SOX6: variants seen among roughly 807,000 people sequenced by gnomAD.
The protein encoded by SOX6 is transcription factor SOX-6.
In SOX6, 11 loss-of-function variants were observed where a neutral mutation model predicts 97.8. The observed-to-expected ratio is 0.11, with a 90% CI of 0.07 to 0.19. The LOEUF is 0.19. SOX6 is among the 10% of genes least tolerant of loss of function. The pLI is 1.00. For synonymous variants in SOX6, 360 were observed against 371.4 expected, an observed-to-expected ratio of 0.97 and a Z score of 0.35; for missense variants, 810 against 1,039.5, an observed-to-expected ratio of 0.78 and a Z score of 3.04.
intron 4 of SOX6, among the ~76,000 whole-genome samples, chr11:16,230,467 A>G (rs1274433975): frequency 6.6e-6 from 1 of 151,758 alleles, no homozygotes; most frequent in African/African-American, 2.4e-5. Flanking sequence ...AAATATAACA[A>G]AAGGAAAATA....
chr11:16,224,785 A>G (rs1852635557), intron 4 of SOX6, among the ~76,000 whole-genome samples: 1 of 152,222 alleles, frequency 6.6e-6, no homozygotes, highest in South Asian at 2.1e-4. Flanking sequence ...CAAAACAATC[A>G]AGAGACTATG....
chr11:16,283,842 G>A (rs1056384430), intron 3 of SOX6: 8 of 365,860 alleles, frequency 2.2e-5, no homozygotes, highest in Non-Finnish European at 4.2e-5. Context: ...AAGTTCTCTA[G>A]ATTCATGTTA....
At chr11:16,726,290 T>G (rs1848306075) in intron 2 of SOX6, among the ~76,000 whole-genome samples, 1 of 152,172 alleles carries the variant, frequency 6.6e-6, no homozygotes, top group Non-Finnish European at 1.5e-5. Flanking sequence ...ACGCCTGTAA[T>G]CCCAGCTACC....
At chr11:16,374,509 C>A (rs572182778) in intron 1 of SOX6, among the ~76,000 whole-genome samples, 1 of 151,962 alleles carries the variant, frequency 6.6e-6, no homozygotes, top group South Asian at 2.1e-4. Flanking sequence ...AAATATCACA[C>A]GTGGAATACA....
chr11:16,504,304 C>A (rs114310925), intron 4 of SOX6, among the ~76,000 whole-genome samples: 308 of 152,080 alleles, frequency 2.0e-3, no homozygotes, highest in African/African-American at 7.0e-3. Context: ...GTCAAATTGT[C>A]CCTCTTTGCA....
intron 6 of SOX6, among the ~76,000 whole-genome samples, chr11:16,163,667 G>A (rs192823501): frequency 6.6e-6 from 1 of 152,280 alleles, no homozygotes; most frequent in Non-Finnish European, 1.5e-5. Flanking sequence ...AATAAATCTT[G>A]ACTAAAGTCC....
At position 16,300,274 on chromosome 11, in the gene SOX6, T is replaced by C. The variant is rs571531540; in HGVS notation, c.445+18172A>G. Among the ~76,000 whole-genome samples, 4 of 152,128 alleles carry C rather than the reference T, an allele frequency of 2.6e-5. No homozygotes were observed. Among genetic ancestry groups the C allele is most frequent in the Admixed American group, 1.3e-4 (2 of 15,274 alleles). On this transcript the variant is annotated intron_variant, in intron 3 of 15. Transcript: ENST00000683767. This position sits in a 1 kb window ranked among gnomAD's most constrained non-coding sequence, Gnocchi z 4.1. ...AGCAGGGATTAAAAAAAAGGACTTA[T>C]ACAAATGGAGAAAGTCCACAATATT...
intron 3 of SOX6, among the ~76,000 whole-genome samples, chr11:16,712,103 ACACAC>A: frequency 6.6e-6 from 1 of 151,804 alleles, no homozygotes; most frequent in African/African-American, 2.4e-5. Flanking sequence ...ACACACACAC[ACACAC>A]ACACACACAC....
intron 3 of SOX6, among the ~76,000 whole-genome samples, chr11:16,706,792 G>C (rs929571549): frequency 6.6e-6 from 1 of 151,546 alleles, no homozygotes; most frequent in African/African-American, 2.4e-5. Flanking sequence ...TATTTTAATA[G>C]CATACCATTA....
Position 15,971,494 on chromosome 11 carries a change from CT to C in SOX6, c.*1314del, listed in dbSNP as rs1172693444. On this transcript the variant is annotated 3_prime_UTR_variant, in exon 16 of 16. Coordinates refer to ENST00000683767, the MANE Select transcript of SOX6 (RefSeq NM_001367873.1). ...GAATGGAATTCAGGGGGAAATGCCA[CT>C]GATGCAGACCCTACCACTTGTGAAC... is the stretch of plus-strand genomic sequence containing the variant. 1 of 152,670 alleles carries C rather than the reference CT, an allele frequency of 6.6e-6. No individual in the cohort carries two copies. Among genetic ancestry groups the C allele is most frequent in the Non-Finnish European group, 1.5e-5 (1 of 68,060 alleles). 9.5% of individuals were successfully genotyped at this position (152,670 alleles called of 1,614,324 possible).
intron 3 of SOX6, among the ~76,000 whole-genome samples, chr11:16,677,532 A>G (rs1230789845): frequency 1.3e-5 from 2 of 152,208 alleles, no homozygotes; most frequent in African/African-American, 4.8e-5. Flanking sequence ...CTGATTATAT[A>G]AAGTTAAAAC....
intron 1 of SOX6, among the ~76,000 whole-genome samples, chr11:16,436,347 G>C (rs1859376275): frequency 6.6e-6 from 1 of 151,584 alleles, no homozygotes; most frequent in African/African-American, 2.4e-5. Context: ...CATTCCCCCA[G>C]GATTTCAATC....
rs145198166 is a variant in SOX6, at chr11:16,659,003, T to A, written n.430-46743A>T. 8.0e-3 allele frequency among the ~76,000 whole-genome samples: 1,224 copies of A among 152,334 alleles called. 20 individuals carry two copies. The highest frequency in any genetic ancestry group is 0.027 in the African/African-American group (1,111 of 41,572). On this transcript the variant is annotated intron_variant and non_coding_transcript_variant, in intron 3 of 5. Transcript: ENST00000524520. The stretch of plus-strand genomic sequence containing the variant: ...TCTCCCACTTTCTGGCTTGTTTTTT[T>A]CTTAACAATGTCATCTGCAGAAAAG...
At chr11:16,472,609 C>T (rs1473989906) in intron 1 of SOX6, among the ~76,000 whole-genome samples, 1 of 151,958 alleles carries the variant, frequency 6.6e-6, no homozygotes, top group African/African-American at 2.4e-5. Context: ...CATAAAATAA[C>T]AATTTATTAT....
Position 16,610,513 on chromosome 11 carries a change from G to A in SOX6, n.609+1568C>T, listed in dbSNP as rs1247764039. Among the ~76,000 whole-genome samples the A allele has an allele frequency of 6.6e-6, 1 of 152,172 alleles. No individual in the cohort carries two copies. The highest frequency in any genetic ancestry group is 2.4e-5 in the African/African-American group (1 of 41,444). ...AGGAGACATTATCAAGATCTCTGGC[G>A]TCCACTGAAGGCCCTAATACCCGGC... On this transcript the variant is annotated intron_variant and non_coding_transcript_variant, in intron 4 of 5. Coordinates refer to the SOX6 transcript ENST00000524520. The surrounding 1 kb of genome is among the most constrained non-coding windows in gnomAD (Gnocchi z 4.4).
chr11:16,059,989 A>G (rs1564931432), intron 9 of SOX6, among the ~76,000 whole-genome samples: 1 of 151,984 alleles, frequency 6.6e-6, no homozygotes, highest in Non-Finnish European at 1.5e-5. Flanking sequence ...TCCTACTATG[A>G]GTATTAAAGA....
At chr11:15,973,188 C>G (rs1166742520) in intron 15 of SOX6, 76 bp from the exon 16 acceptor site, 2 of 1,410,394 alleles carry the variant, frequency 1.4e-6, no homozygotes, top group African/African-American at 2.8e-5. Flanking sequence ...TTGGAATTCA[C>G]ACCCTACACT....
At chr11:15,979,526 CAA>C (rs544767257) in intron 15 of SOX6, among the ~76,000 whole-genome samples, 75 of 152,242 alleles carry the variant, frequency 4.9e-4, no homozygotes, top group African/African-American at 1.8e-3. Flanking sequence ...GGGTCAAATA[CAA>C]AGTCTTCACA....
intron 1 of SOX6, among the ~76,000 whole-genome samples, chr11:16,388,800 T>A (rs1269233898): frequency 1.3e-5 from 2 of 152,160 alleles, no homozygotes; most frequent in African/African-American, 4.8e-5. Flanking sequence ...GCCTGTACAT[T>A]TTTCTTGTTT....
Sources: gnomAD v4.1 joint callset for allele counts (sites outside exome capture counted in the v4.1 genomes callset) on GRCh38, gnomAD v4.1.1 for gene constraint, Gnocchi (gnomAD v3.1) non-coding constraint, MANE v1.5 for transcripts, NCBI Gene and HGNC (gene_info 2026-07-23, HGNC 2026-07-21) for gene names.